The following UBE2D2 variants were observed in gnomAD, a reference collection of about 807,000 sequenced individuals.
The protein encoded by UBE2D2 is ubiquitin conjugating enzyme E2 D2.
A neutral mutation model predicts 24.2 loss-of-function variants in UBE2D2; 2 were observed. The ratio of observed to expected loss-of-function variants is 0.08; its 90% CI spans 0.03 to 0.26. The LOEUF is 0.26. UBE2D2 is among the 10% of genes least tolerant of loss of function. UBE2D2 has a pLI of 1.00. For missense variants in UBE2D2, 44 were observed against 177.6 expected (o/e 0.25, Z 4.28); for synonymous variants, 58 against 56.5 (o/e 1.03, Z -0.12).
intron 1 of UBE2D2, among the ~76,000 whole-genome samples, chr5:139,588,840 G>A (rs1229223262): frequency 1.3e-5 from 2 of 152,110 alleles, no homozygotes; most frequent in African/African-American, 2.4e-5. Context: ...GCTACTCATT[G>A]CAGCCTCGAC....
upstream of UBE2D2, among the ~76,000 whole-genome samples, chr5:139,559,719 C>T (rs1411686459): frequency 3.9e-5 from 6 of 152,170 alleles, no homozygotes; most frequent in East Asian, 1.2e-3. Flanking sequence ...TCTATAAATT[C>T]AGGAGCTAGA....
At position 139,543,785 on chromosome 5, in the gene UBE2D2, C is replaced by A. The variant is rs184974225; in HGVS notation, c.-64+17173C>A. On this transcript the variant is annotated intron_variant, in intron 1 of 6. Coordinates refer to the UBE2D2 transcript ENST00000511725. ...CGTCTGCTTCCTTCTTCAAAGAAGACCGACTTCAACCAAAAGTTCAATTTC... is the reference window on the plus strand; with the variant it reads ...CGTCTGCTTCCTTCTTCAAAGAAGAACGACTTCAACCAAAAGTTCAATTTC... 3.9e-3 allele frequency among the ~76,000 whole-genome samples: 587 copies of A among 152,346 alleles called. 3 individuals carry two copies. The highest frequency in any genetic ancestry group is 0.014 in the Middle Eastern group (4 of 294).
rs773710418 is a variant in UBE2D2 at position 139,614,970 on chromosome 5, A to G, written c.304+4A>G. 6.2e-7 allele frequency: 1 copy of G among 1,607,000 alleles called. No individual in the cohort carries two copies. The highest frequency in any genetic ancestry group is 8.5e-7 in the Non-Finnish European group (1 of 1,176,658). On this transcript the variant is annotated splice_donor_region_variant and intron_variant, in intron 5 of 6. Coordinates refer to ENST00000398733, the MANE Select transcript of UBE2D2 (RefSeq NM_003339.3). Reference sequence around the variant, plus strand: ...CCAGCACTAACTATTTCAAAAGGTAACAGTGGGTATTTGATATCAAGATAA... The same window carrying G: ...CCAGCACTAACTATTTCAAAAGGTAGCAGTGGGTATTTGATATCAAGATAA...
At chr5:139,609,376 C>CT (rs371370988) in intron 2 of UBE2D2, among the ~76,000 whole-genome samples, 4,304 of 146,296 alleles carry the variant, frequency 0.029, 102 homozygotes, top group South Asian at 0.093. Flanking sequence ...GACCCCATCT[C>CT]TTTTTTTTTT....
intron 1 of UBE2D2, among the ~76,000 whole-genome samples, chr5:139,598,346 T>C (rs1750602930): frequency 6.6e-6 from 1 of 152,136 alleles, no homozygotes; most frequent in African/African-American, 2.4e-5. Context: ...TAATCAAAAC[T>C]AGTTCTTCTT....
At chr5:139,579,420 T>TA (rs1237745240) in intron 1 of UBE2D2, among the ~76,000 whole-genome samples, 1 of 152,188 alleles carries the variant, frequency 6.6e-6, no homozygotes, top group Non-Finnish European at 1.5e-5. Context: ...GTGCTGTGAT[T>TA]ACAGGCGTGA....
At chr5:139,553,622 A>C (rs1019818997) in intron 1 of UBE2D2, among the ~76,000 whole-genome samples, 2 of 152,184 alleles carry the variant, frequency 1.3e-5, no homozygotes, top group Non-Finnish European at 2.9e-5. Flanking sequence ...TATGATCCAC[A>C]TGGGGTGAGT....
At chr5:139,582,214 A>G (rs1753618710) in intron 1 of UBE2D2, among the ~76,000 whole-genome samples, 1 of 151,562 alleles carries the variant, frequency 6.6e-6, no homozygotes, top group Admixed American at 6.6e-5. Context: ...CCTGGACTCA[A>G]GTCATCCTTC....
chr5:139,601,737 G>A (rs1490452223), intron 2 of UBE2D2, among the ~76,000 whole-genome samples: 3 of 151,892 alleles, frequency 2.0e-5, no homozygotes, highest in African/African-American at 2.4e-5. Flanking sequence ...GTGAAACCCC[G>A]CCTCTACTAA....
At chr5:139,623,643 T>C (rs2126710058) in intron 6 of UBE2D2, 182 bp downstream of exon 6, 1 of 451,864 alleles carries the variant, frequency 2.2e-6, no homozygotes, top group East Asian at 3.3e-5. Flanking sequence ...GATGCCAGTC[T>C]TATCCCTGAT....
In UBE2D2 at chr5:139,628,069, A is replaced by T. The variant is rs1335716939; in HGVS notation, c.*1268A>T. 1 of 152,672 alleles carries T rather than the reference A, an allele frequency of 6.5e-6. No homozygotes were observed. The highest frequency in any genetic ancestry group is 1.5e-5 in the Non-Finnish European group (1 of 68,050). The allele number at this position is 152,672 out of a possible 1,614,324, so 9.5% of individuals were successfully genotyped here. A position where few individuals can be genotyped will look rare whatever the true frequency, so the allele number is the denominator to read the frequency against. On this transcript the variant is annotated 3_prime_UTR_variant, in exon 7 of 7. Transcript: ENST00000398733. Reference sequence around the variant, plus strand: ...TTAAGCTTCTGTGATTGTAATTATAAAAGAGCAACATTGACCAAACCTGGG... The same window carrying T: ...TTAAGCTTCTGTGATTGTAATTATATAAGAGCAACATTGACCAAACCTGGG...
At chr5:139,592,121 G>T (rs1753857928) in intron 1 of UBE2D2, among the ~76,000 whole-genome samples, 2 of 152,118 alleles carry the variant, frequency 1.3e-5, no homozygotes, top group South Asian at 4.1e-4. Flanking sequence ...AGAATTGCTT[G>T]AACTTGGGAA....
intron 1 of UBE2D2, among the ~76,000 whole-genome samples, chr5:139,583,749 G>A (rs753634437): frequency 6.6e-6 from 1 of 152,160 alleles, no homozygotes; most frequent in African/African-American, 2.4e-5. Context: ...GCGACGGAGC[G>A]AGACTCCATC....
At chr5:139,530,693 C>T (rs1752588356) in intron 1 of UBE2D2, among the ~76,000 whole-genome samples, 1 of 152,098 alleles carries the variant, frequency 6.6e-6, no homozygotes, top group African/African-American at 2.4e-5. Flanking sequence ...GAAAATTTAA[C>T]CGTACTAATT....
chr5:139,533,580 G>A (rs1752625487), intron 1 of UBE2D2, among the ~76,000 whole-genome samples: 1 of 151,590 alleles, frequency 6.6e-6, no homozygotes, highest in South Asian at 2.1e-4. Flanking sequence ...AACCAGGGAG[G>A]AGGAGGTTGC....
chr5:139,612,990 A>C (rs1000002977), intron 2 of UBE2D2, among the ~76,000 whole-genome samples: 1 of 152,132 alleles, frequency 6.6e-6, no homozygotes, highest in African/African-American at 2.4e-5. Flanking sequence ...TACTAGGTCC[A>C]GTTTTAGTGG....
intron 5 of UBE2D2, among the ~76,000 whole-genome samples, chr5:139,623,132 G>A (rs1481868913): frequency 2.6e-5 from 4 of 151,898 alleles, no homozygotes; most frequent in African/African-American, 4.8e-5. Context: ...GAGGTCAGGA[G>A]TTCGAGACCA....
At chr5:139,600,194 C>A in intron 1 of UBE2D2, 178 bp from the exon 2 acceptor site, 1 of 735,698 alleles carries the variant, frequency 1.4e-6, no homozygotes. Flanking sequence ...TACACATTGC[C>A]TTGAAGAATC....
At chr5:139,552,778 G>A (rs912150266) in intron 1 of UBE2D2, among the ~76,000 whole-genome samples, 1 of 148,846 alleles carries the variant, frequency 6.7e-6, no homozygotes, top group Admixed American at 6.9e-5. Flanking sequence ...CACCTCCCAA[G>A]TTCAAGCGAT....
Sources: gnomAD v4.1 joint callset for allele counts (sites outside exome capture counted in the v4.1 genomes callset) on GRCh38, gnomAD v4.1.1 for gene constraint, MANE v1.5 for transcripts, NCBI Gene and HGNC (gene_info 2026-07-23, HGNC 2026-07-21) for gene names.